TYR: variants seen among roughly 807,000 people sequenced by gnomAD.
TYR encodes LB24-AB.
In TYR, 58 loss-of-function variants were observed where a neutral mutation model predicts 51.5. That is an observed-to-expected ratio of 1.13 (90% CI 0.91 to 1.40). The LOEUF is 1.40. TYR is among the 40% of genes most tolerant of loss of function. The pLI is 0.00. For synonymous variants in TYR, 263 were observed against 235.2 expected (o/e 1.12, Z -1.08); for missense variants, 732 against 647.4 (o/e 1.13, Z -1.42).
chr11:89,280,914 C>G (rs1374419792), intron 3 of TYR, among the ~76,000 whole-genome samples: 2 of 151,620 alleles, frequency 1.3e-5, no homozygotes, highest in Non-Finnish European at 1.5e-5. Flanking sequence ...GTTTTTGTCT[C>G]TATTCTTGGT....
intron 3 of TYR, among the ~76,000 whole-genome samples, chr11:89,249,541 G>GAAAA (rs996511575): frequency 6.7e-6 from 1 of 149,414 alleles, no homozygotes. Flanking sequence ...AATGAGGAGA[G>GAAAA]AAAAGTACTT....
At chr11:89,224,651 C>T (rs920190085) in intron 2 of TYR, among the ~76,000 whole-genome samples, 7 of 152,166 alleles carry the variant, frequency 4.6e-5, no homozygotes, top group African/African-American at 1.7e-4. Flanking sequence ...CTTTCAAAAT[C>T]TCCCTTCTCT....
At chr11:89,269,138 A>G (rs1324111271) in intron 3 of TYR, among the ~76,000 whole-genome samples, 1 of 152,004 alleles carries the variant, frequency 6.6e-6, no homozygotes, top group Non-Finnish European at 1.5e-5. Context: ...ATGATAGAAT[A>G]TTTATTGAAT....
intron 3 of TYR, among the ~76,000 whole-genome samples, chr11:89,231,943 C>A (rs2135284946): frequency 7.3e-6 from 1 of 136,612 alleles, no homozygotes; most frequent in East Asian, 2.1e-4. Flanking sequence ...TGAGATTGTG[C>A]CCCTGCACTC....
chr11:89,291,423 T>C (rs2135329462), intron 4 of TYR, among the ~76,000 whole-genome samples: 1 of 152,126 alleles, frequency 6.6e-6, no homozygotes, highest in East Asian at 1.9e-4. Flanking sequence ...ATATCATCTA[T>C]TAATTGCATC....
intron 1 of TYR, among the ~76,000 whole-genome samples, chr11:89,186,882 ATC>A (rs1943380759): frequency 6.6e-6 from 1 of 152,198 alleles, no homozygotes; most frequent in Admixed American, 6.5e-5. Context: ...AGACAGAGCC[ATC>A]TCTTTCTTTG....
chr11:89,223,990 A>G (rs891771114), intron 2 of TYR, among the ~76,000 whole-genome samples: 50 of 151,640 alleles, frequency 3.3e-4, no homozygotes, highest in African/African-American at 1.1e-3. Flanking sequence ...GTAATGAAAT[A>G]CCAGCCTGGC....
At position 89,286,125 on chromosome 11, in the gene TYR, A is replaced by C. The variant is rs190759656; in HGVS notation, c.1366+1171A>C. ...TGTGCAGTAAAAGAGTCATAAAGAA[A>C]ATCCCACAGCAGTGCTGAAGAGAAA... On this transcript the variant is annotated intron_variant, in intron 4 of 4. Coordinates refer to ENST00000263321, the MANE Select transcript of TYR (RefSeq NM_000372.5). Among the ~76,000 whole-genome samples, 180 of 151,874 alleles carry C rather than the reference A, an allele frequency of 1.2e-3. 2 individuals carry two copies. Among genetic ancestry groups the C allele is most frequent in the South Asian group, 3.3e-3 (16 of 4,818 alleles).
intron 3 of TYR, 137 bp downstream of exon 3, chr11:89,228,107 CA>C: frequency 9.8e-7 from 1 of 1,024,886 alleles, no homozygotes; most frequent in Non-Finnish European, 1.5e-6. Context: ...GTCACCAAAA[CA>C]GACCTTAGGC....
intron 2 of TYR, among the ~76,000 whole-genome samples, chr11:89,214,889 A>G (rs952384882): frequency 6.6e-6 from 1 of 152,202 alleles, no homozygotes; most frequent in Admixed American, 6.5e-5. Context: ...AAGCTGCTAC[A>G]TCTAGCTACA....
intron 3 of TYR, chr11:89,283,730 C>T (rs1590901243): frequency 6.6e-6 from 1 of 151,960 alleles, no homozygotes; most frequent in East Asian, 1.9e-4. Context: ...TTCTCTTTGT[C>T]ATATTGTTAA....
At chr11:89,201,565 T>G (rs1416069834) in intron 2 of TYR, among the ~76,000 whole-genome samples, 3 of 152,250 alleles carry the variant, frequency 2.0e-5, no homozygotes, top group Non-Finnish European at 4.4e-5. Flanking sequence ...TTGCATTTAT[T>G]CATTTTTACT....
chr11:89,221,241 A>G (rs913326016), intron 2 of TYR, among the ~76,000 whole-genome samples: 3 of 152,194 alleles, frequency 2.0e-5, no homozygotes, highest in African/African-American at 7.2e-5. Context: ...CTGGGACCAC[A>G]TTTTTGAAAA....
intron 2 of TYR, among the ~76,000 whole-genome samples, chr11:89,198,652 C>T (rs1019051244): frequency 1.3e-5 from 2 of 152,014 alleles, no homozygotes; most frequent in South Asian, 2.1e-4. Context: ...ACTAAAGCAC[C>T]ATTCTCAGCA....
intron 3 of TYR, among the ~76,000 whole-genome samples, chr11:89,258,454 A>G (rs1944420980): frequency 6.6e-6 from 1 of 152,074 alleles, no homozygotes; most frequent in South Asian, 2.1e-4. Context: ...GTGCAAAAAA[A>G]AAAAAAGTGA....
intron 3 of TYR, among the ~76,000 whole-genome samples, chr11:89,261,796 G>T (rs1158843072): frequency 6.6e-6 from 1 of 151,876 alleles, no homozygotes; most frequent in Non-Finnish European, 1.5e-5. Flanking sequence ...AATTACATGT[G>T]AGACCATAAA....
chr11:89,275,783 C>T (rs1944646915), intron 3 of TYR, among the ~76,000 whole-genome samples: 1 of 151,712 alleles, frequency 6.6e-6, no homozygotes, highest in African/African-American at 2.4e-5. Flanking sequence ...TGGTGTTTGA[C>T]TTATTTGAAC....
At chr11:89,208,486 T>C (rs539203249) in intron 2 of TYR, among the ~76,000 whole-genome samples, 5 of 152,300 alleles carry the variant, frequency 3.3e-5, no homozygotes, top group Admixed American at 1.3e-4. Context: ...CAGTTATCAA[T>C]ATATGTGAGA....
At chr11:89,247,447 A>G (rs2135296597) in intron 3 of TYR, among the ~76,000 whole-genome samples, 1 of 152,350 alleles carries the variant, frequency 6.6e-6, no homozygotes, top group South Asian at 2.1e-4. Flanking sequence ...AGTGATGAAG[A>G]CATCATGTAC....
Sources: allele counts gnomAD v4.1 joint callset (sites outside exome capture counted in the v4.1 genomes callset), GRCh38; gene constraint gnomAD v4.1.1; transcripts MANE v1.5; gene names NCBI Gene and HGNC (gene_info 2026-07-23, HGNC 2026-07-21).